Variants in SRP72 observed in about 807,000 individuals in gnomAD.
The protein encoded by SRP72 is signal recognition particle subunit SRP72.
SRP72 carries 49 observed loss-of-function variants against 96.3 expected under a neutral mutation model. The observed-to-expected ratio is 0.51, with a 90% CI of 0.40 to 0.65. The LOEUF is 0.65. Ranked by LOEUF, SRP72 falls within the 30% of genes least tolerant of loss-of-function variation. The pLI, the probability that SRP72 is intolerant of heterozygous loss-of-function variation, is 0.00. For synonymous variants in SRP72, 267 were observed against 275.2 expected (o/e 0.97, Z 0.30); for missense variants, 736 against 793.3 (o/e 0.93, Z 0.87).
chr4:56,474,539 T>TCA, intron 5 of SRP72, 148 bp downstream of exon 5: 1 of 725,036 alleles, frequency 1.4e-6, no homozygotes, highest in Non-Finnish European at 2.2e-6. Context: ...CGTCTTTCTC[T>TCA]CTCTTTTTTT....
At chr4:56,490,689 A>G (rs370416637) in intron 15 of SRP72, 44 bp downstream of exon 15, 111 of 1,482,896 alleles carry the variant, frequency 7.5e-5, no homozygotes, top group Non-Finnish European at 9.5e-5. Flanking sequence ...CAGTAGCACA[A>G]TAGATCTCTT....
rs965676687 is a variant in SRP72, at chr4:56,501,976, A to G, written c.*115A>G. The G allele has an allele frequency of 6.2e-6, 7 of 1,135,822 alleles. No individual in the cohort carries two copies. Among genetic ancestry groups the G allele is most frequent in the South Asian group, 2.9e-5 (2 of 68,918 alleles). 70.4% of individuals were successfully genotyped at this position (1,135,822 alleles called of 1,614,324 possible). A position where few individuals can be genotyped will look rare whatever the true frequency, so the allele number is the denominator to read the frequency against. On this transcript the variant is annotated 3_prime_UTR_variant, in exon 19 of 19. Coordinates refer to ENST00000642900, the MANE Select transcript of SRP72 (RefSeq NM_006947.4). ...ACTCCCTCTTCATCTCCATATTTTC[A>G]TAATTTCTTGTGTTTCAAATAGGGA...
At chr4:56,493,546 A>G (rs929341909) in intron 16 of SRP72, among the ~76,000 whole-genome samples, 1 of 152,152 alleles carries the variant, frequency 6.6e-6, no homozygotes, top group Non-Finnish European at 1.5e-5. Context: ...TGACCAGAAA[A>G]TAAATCATGG....
chr4:56,467,748 A>C lies in SRP72; in HGVS notation c.109+4A>C. On this transcript the variant is annotated splice_donor_region_variant and intron_variant, in intron 1 of 18. Transcript: ENST00000642900. ...GCTCTCAAGACCGTCAATAAGAGTA[A>C]GTGTCGGGGTGGGCACTGGGGCGGG... 3 of 912,598 alleles carry C rather than the reference A, an allele frequency of 3.3e-6. No homozygotes were observed. The highest frequency in any genetic ancestry group is 4.6e-6 in the Non-Finnish European group (3 of 645,884). The allele number at this position is 912,598 out of a possible 1,614,324, so 56.5% of individuals were successfully genotyped here. A position where few individuals can be genotyped will look rare whatever the true frequency, so the allele number is the denominator to read the frequency against.
At chr4:56,481,983 C>A (rs1450549479) in intron 8 of SRP72, among the ~76,000 whole-genome samples, 1 of 150,800 alleles carries the variant, frequency 6.6e-6, no homozygotes, top group East Asian at 2.0e-4. Flanking sequence ...AGGCTGGTCC[C>A]GAACTCCTGG....
intron 6 of SRP72, 130 bp from the exon 7 acceptor site, chr4:56,478,249 C>A: frequency 1.4e-6 from 1 of 723,412 alleles, no homozygotes; most frequent in Non-Finnish European, 1.9e-6. Context: ...TTCTAAAGAA[C>A]TGACTCTAAG....
At chr4:56,494,213 G>A (rs1001903305) in intron 16 of SRP72, among the ~76,000 whole-genome samples, 1 of 152,160 alleles carries the variant, frequency 6.6e-6, no homozygotes, top group Admixed American at 6.5e-5. Context: ...GTAAGATACA[G>A]TATGTTGCAT....
At chr4:56,476,477 C>A in intron 5 of SRP72, 194 bp from the exon 6 acceptor site, 1 of 569,790 alleles carries the variant, frequency 1.8e-6, no homozygotes, top group Non-Finnish European at 3.0e-6. Flanking sequence ...AGCAAAGTGC[C>A]AAAGAGCTGG....
chr4:56,468,266 G>T (rs566224806), intron 1 of SRP72, among the ~76,000 whole-genome samples: 1 of 152,288 alleles, frequency 6.6e-6, no homozygotes, highest in East Asian at 1.9e-4. Flanking sequence ...GAAAGGGCTG[G>T]ATCTGGATGT....
At chr4:56,474,540 C>G in intron 5 of SRP72, 149 bp downstream of exon 5, 1 of 723,434 alleles carries the variant, frequency 1.4e-6, no homozygotes, top group Non-Finnish European at 2.2e-6. Context: ...GTCTTTCTCT[C>G]TCTTTTTTTT....
chr4:56,480,334 A>T (rs888027640), intron 8 of SRP72, among the ~76,000 whole-genome samples: 1 of 152,148 alleles, frequency 6.6e-6, no homozygotes, highest in African/African-American at 2.4e-5. Flanking sequence ...ATCTCGGCTT[A>T]CTGCAGCCTC....
chr4:56,490,166 C>G (rs1382906705), intron 13 of SRP72, among the ~76,000 whole-genome samples, 167 bp from the exon 14 acceptor site: 2 of 152,184 alleles, frequency 1.3e-5, no homozygotes, highest in African/African-American at 4.8e-5. Context: ...TGTCCACCTG[C>G]TTTCCTCTAC....
intron 17 of SRP72, 130 bp from the exon 18 acceptor site, chr4:56,500,406 A>C: frequency 9.5e-7 from 1 of 1,047,622 alleles, no homozygotes; most frequent in South Asian, 1.8e-5. Flanking sequence ...AGATTATACA[A>C]ACTAAACTTT....
intron 8 of SRP72, among the ~76,000 whole-genome samples, chr4:56,480,926 A>G (rs541893130): frequency 2.2e-4 from 34 of 152,332 alleles, no homozygotes; most frequent in Non-Finnish European, 3.8e-4. Flanking sequence ...AAAAAAGTAC[A>G]TATGAAGAAA....
chr4:56,480,198 A>G (rs1720426587), intron 8 of SRP72, among the ~76,000 whole-genome samples: 1 of 152,202 alleles, frequency 6.6e-6, no homozygotes, highest in African/African-American at 2.4e-5. Flanking sequence ...CATTGATACT[A>G]GCCTTTGAAT....
At chr4:56,487,086 C>G (rs1207273255) in intron 11 of SRP72, among the ~76,000 whole-genome samples, 1 of 152,108 alleles carries the variant, frequency 6.6e-6, no homozygotes, top group East Asian at 1.9e-4. Flanking sequence ...TTGGACAGCA[C>G]AGATATAGGA....
intron 13 of SRP72, 61 bp from the exon 14 acceptor site, chr4:56,490,272 C>A: frequency 7.6e-7 from 1 of 1,313,404 alleles, no homozygotes; most frequent in Non-Finnish European, 1.1e-6. Flanking sequence ...ATGAATATAA[C>A]TGCATGCACT....
intron 5 of SRP72, 123 bp from the exon 6 acceptor site, chr4:56,476,548 C>T (rs540303778): frequency 3.7e-4 from 368 of 999,606 alleles, no homozygotes; most frequent in Admixed American, 6.0e-4. Context: ...AATTTCACAA[C>T]TGCTTGTTAC....
chr4:56,474,340 A>G lies in SRP72; in HGVS notation c.559A>G (p.Ile187Val). Residue 187 changes from isoleucine to valine, a missense_variant, in exon 5 of 19, where the codon ATA becomes GTA. Ile to Val is a conservative substitution (Grantham distance 29, BLOSUM62 3). This residue lies in a region of SRP72 where 329 missense variants were observed against 319.0 expected (regional missense o/e 1.03). Transcript: ENST00000642900. The stretch of plus-strand genomic sequence containing the variant: ...GTGCTACAACACTGCATGTGCACTG[A>G]TAGGCCAAGGCCAGCTGAACCAGGC... ...ELCYNTACAL[I>V]GQGQLNQAMK... 27 of 1,614,188 alleles carry G rather than the reference A, an allele frequency of 1.7e-5. No individual in the cohort carries two copies. Among genetic ancestry groups the G allele is most frequent in the Non-Finnish European group, 2.3e-5 (27 of 1,180,022 alleles).
Sources: allele counts gnomAD v4.1 joint callset (sites outside exome capture counted in the v4.1 genomes callset), GRCh38; gene constraint gnomAD v4.1.1; regional missense constraint gnomAD v4.1.1; transcripts MANE v1.5; gene names NCBI Gene and HGNC (gene_info 2026-07-23, HGNC 2026-07-21).